Variants in KIF26A observed in about 807,000 individuals in gnomAD.
KIF26A encodes the protein kinesin-like protein KIF26A.
In KIF26A, 74 loss-of-function variants were observed where a neutral mutation model predicts 126.0. That is an observed-to-expected ratio of 0.59 (90% CI 0.49 to 0.71). The LOEUF (loss-of-function observed/expected upper bound fraction) is 0.71. KIF26A is among the 30% of genes least tolerant of loss of function. The pLI, the probability that KIF26A is intolerant of heterozygous loss-of-function variation, is 0.00. For synonymous variants in KIF26A, 1,445 were observed against 1,232.7 expected (o/e 1.17, Z -3.61); for missense variants, 2,984 against 2,763.3 (o/e 1.08, Z -1.79).
chr14:104,174,086 G>C, intron 10 of KIF26A, 62 bp from the exon 11 acceptor site: 1 of 1,467,266 alleles, frequency 6.8e-7, no homozygotes, highest in South Asian at 1.4e-5. Context: ...GCTGCCCTTG[G>C]CCAGCCTGTC....
intron 4 of KIF26A, among the ~76,000 whole-genome samples, chr14:104,163,055 A>G (rs28569857): frequency 0.51 from 77,634 of 152,142 alleles, 20,322 homozygotes; most frequent in African/African-American, 0.64. Context: ...CTTCCCTTGC[A>G]GGCAGCTGGC....
At chr14:104,156,910 A>C (rs12435350) in intron 3 of KIF26A, among the ~76,000 whole-genome samples, 14,707 of 152,052 alleles carry the variant, frequency 0.097, 914 homozygotes, top group African/African-American at 0.17. Context: ...GACGCTTGGC[A>C]CCTGGGTGAC....
chr14:104,171,645 GC>G (rs2037957872), intron 5 of KIF26A, 77 bp from the exon 6 acceptor site: 1 of 1,281,996 alleles, frequency 7.8e-7, no homozygotes, highest in Non-Finnish European at 1.1e-6. Context: ...CCCCACCTGA[GC>G]TGGGCCCCTC....
chr14:104,173,618 T>A lies in KIF26A; in HGVS notation c.1868-88T>A, dbSNP rs1194218884. ...TGGCTCCTGGGGATGTCCCTGGGGT[T>A]GTCCCCAGCTTGGGCCTGGGGTGGG... On this transcript the variant is annotated intron_variant, in intron 9 of 14. Coordinates refer to ENST00000423312, the MANE Select transcript of KIF26A (RefSeq NM_015656.2). 2.0e-6 allele frequency: 3 copies of A among 1,534,064 alleles called. No individual in the cohort carries two copies. The Admixed American group carries it at 5.7e-5, about 29-fold the overall frequency.
chr14:104,148,846 C>A lies in KIF26A; in HGVS notation c.289-3169C>A, dbSNP rs895924061. On this transcript the variant is annotated intron_variant, in intron 2 of 14. Coordinates refer to ENST00000423312, the MANE Select transcript of KIF26A (RefSeq NM_015656.2). This position sits in a 1 kb window ranked among gnomAD's most constrained non-coding sequence, Gnocchi z 4.3. ...CCATGTCAGCAGCGGCCTCCCTGAG[C>A]CCCTCCCTGGAGCCCTGAGTGCTGG... Among the ~76,000 whole-genome samples the A allele has an allele frequency of 6.6e-6, 1 of 152,178 alleles. No individual in the cohort carries two copies. Among genetic ancestry groups the A allele is most frequent in the African/African-American group, 2.4e-5 (1 of 41,440 alleles).
At chr14:104,168,090 C>T (rs1181624335) in intron 5 of KIF26A, among the ~76,000 whole-genome samples, 2 of 152,226 alleles carry the variant, frequency 1.3e-5, no homozygotes, top group African/African-American at 2.4e-5. Flanking sequence ...GAGCACCCCT[C>T]GCAGTCCTGG....
At chr14:104,167,659 G>A (rs1345445271) in intron 5 of KIF26A, among the ~76,000 whole-genome samples, 3 of 152,172 alleles carry the variant, frequency 2.0e-5, no homozygotes, top group Non-Finnish European at 4.4e-5. Context: ...TGCCCTGGCT[G>A]GACGTGGCCC....
At position 104,176,467 on chromosome 14, in the gene KIF26A, C is replaced by T. The variant is rs201828613; in HGVS notation, c.3679C>T (p.Arg1227Cys). 60 of 1,606,982 alleles carry T rather than the reference C, an allele frequency of 3.7e-5. No homozygotes were observed. Among genetic ancestry groups the T allele is most frequent in the Admixed American group, 3.5e-4 (21 of 59,960 alleles). The change falls in exon 12 of 15, where the codon CGC (arginine) becomes TGC (cysteine). Residue 1227 changes from arginine to cysteine, a missense_variant. Coordinates refer to ENST00000423312, the MANE Select transcript of KIF26A (RefSeq NM_015656.2). Reference sequence around the variant, plus strand: ...TGCCACCACCCGTGTGGGCTGTGCTCGCCTGGGCCAGAGCCCACCTGGCCG... The same window carrying T: ...TGCCACCACCCGTGTGGGCTGTGCTTGCCTGGGCCAGAGCCCACCTGGCCG... ...ASATTRVGCA[R>C]LGQSPPGRGG...
chr14:104,172,907 G>C, intron 7 of KIF26A, 70 bp from the exon 8 acceptor site: 1 of 1,465,284 alleles, frequency 6.8e-7, no homozygotes, highest in Non-Finnish European at 9.0e-7. Context: ...GTTGGCCCCC[G>C]GGGACGCCAG....
At chr14:104,160,880 G>A (rs546994405) in intron 4 of KIF26A, among the ~76,000 whole-genome samples, 9 of 152,310 alleles carry the variant, frequency 5.9e-5, no homozygotes, top group African/African-American at 1.9e-4. Context: ...ATTGGGTGGG[G>A]AGCACCTCAT....
chr14:104,166,928 C>A lies in KIF26A; in HGVS notation c.993C>A (p.Arg331=), dbSNP rs551180470. Residue 331 remains arginine (R), a synonymous_variant, in exon 5 of 15, where the codon CGC becomes CGA. Transcript: ENST00000423312. ...KPHPPPPPAT[R]GTSTYPTDFS... ...ACCCGCCACCGCCTCCAGCCACCCG[C>A]GGCACCTCCACCTACCCCACCGACT... 5.6e-6 allele frequency: 9 copies of A among 1,593,622 alleles called. No homozygotes were observed. The highest frequency in any genetic ancestry group is 2.3e-5 in the South Asian group (2 of 87,694).
chr14:104,152,373 T>C lies in KIF26A; in HGVS notation c.647T>C (p.Leu216Pro). The C allele has an allele frequency of 6.3e-7, 1 of 1,593,254 alleles. No homozygotes were observed. The highest frequency in any genetic ancestry group is 8.5e-7 in the Non-Finnish European group (1 of 1,171,578). ...SVAPAGLGGALSTVTIQAQQC... is the reference protein window; with the variant it reads ...SVAPAGLGGAPSTVTIQAQQC... ...GCACCTGCGGGTCTTGGAGGGGCGC[T>C]GAGCACGGTCACCATCCAGGCCCAG... The change falls in exon 3 of 15, where the codon CTG becomes CCG. Residue 216 changes from leucine (L) to proline (P), a missense_variant. Coordinates refer to ENST00000423312, the MANE Select transcript of KIF26A (RefSeq NM_015656.2). This position sits in a 1 kb window ranked among gnomAD's most constrained non-coding sequence, Gnocchi z 5.9.
rs138068694 is a variant in KIF26A, at chr14:104,144,608, A to G, written c.288+5320A>G. 6.9e-3 allele frequency among the ~76,000 whole-genome samples: 1,046 copies of G among 152,294 alleles called. 4 individuals are homozygous for G. The highest frequency in any genetic ancestry group is 0.011 in the Non-Finnish European group (753 of 68,024). ...TGGTTTTTCCCTTAAGTAACAAAGAAAGTCTAGTTCTTCTCTTCCTTTGCC... is the reference window on the plus strand; with the variant it reads ...TGGTTTTTCCCTTAAGTAACAAAGAGAGTCTAGTTCTTCTCTTCCTTTGCC... On this transcript the variant is annotated intron_variant, in intron 2 of 14. Transcript: ENST00000423312.
In KIF26A at chr14:104,172,569, C is replaced by T. The variant is rs564920400; in HGVS notation, c.1327-6C>T. On this transcript the variant is annotated splice_polypyrimidine_tract_variant and splice_region_variant and intron_variant, in intron 6 of 14. Transcript: ENST00000423312. ...ACAGCCCTGCCTGATTCTCTTGCCC[C>T]CCTAGGCCGAAGTCTGCTCGGGGAC... The T allele has an allele frequency of 6.2e-6, 10 of 1,610,628 alleles. No homozygotes were observed. The Admixed American group carries it at 1.2e-4, about 19-fold the overall frequency.
intron 3 of KIF26A, among the ~76,000 whole-genome samples, chr14:104,155,303 G>A (rs1405715414): frequency 6.6e-6 from 1 of 152,322 alleles, no homozygotes; most frequent in South Asian, 2.1e-4. Context: ...GAGTTAGCTT[G>A]GCATTTCCTA....
In KIF26A at chr14:104,180,468, A is replaced by C. The variant is rs1413689188; in HGVS notation, c.*678A>C. On this transcript the variant is annotated 3_prime_UTR_variant, in exon 15 of 15. Transcript: ENST00000423312. ...AGGAATTTTTACCAAAACCACAAGC[A>C]AAAAACAAAACAGACCACCACGACC... The C allele has an allele frequency of 6.6e-6, 1 of 152,254 alleles. No homozygotes were observed. The highest frequency in any genetic ancestry group is 1.5e-5 in the Non-Finnish European group (1 of 68,062). 9.4% of individuals were successfully genotyped at this position (152,254 alleles called of 1,614,324 possible).
chr14:104,168,072 G>A (rs978141752), intron 5 of KIF26A, among the ~76,000 whole-genome samples: 1 of 152,214 alleles, frequency 6.6e-6, no homozygotes, highest in African/African-American at 2.4e-5. Context: ...CTGGGTCTAG[G>A]GTGCCAGGAG....
intron 3 of KIF26A, among the ~76,000 whole-genome samples, chr14:104,156,034 C>T (rs138506765): frequency 0.012 from 1,793 of 152,162 alleles, 30 homozygotes; most frequent in African/African-American, 0.038. Context: ...GGTGCCATCG[C>T]GACGAGCCAC....
intron 2 of KIF26A, among the ~76,000 whole-genome samples, chr14:104,142,224 C>T (rs576005922): frequency 2.6e-5 from 4 of 152,164 alleles, no homozygotes; most frequent in African/African-American, 9.6e-5. Flanking sequence ...GTCTTCCTGC[C>T]CCTGTTGGAG....
Sources: gnomAD v4.1 joint callset for allele counts (sites outside exome capture counted in the v4.1 genomes callset) on GRCh38, gnomAD v4.1.1 for gene constraint, Gnocchi (gnomAD v3.1) non-coding constraint, MANE v1.5 for transcripts, NCBI Gene and HGNC (gene_info 2026-07-23, HGNC 2026-07-21) for gene names.